The following CDK13 variants were observed in gnomAD, a reference collection of about 807,000 sequenced individuals.
CDK13 encodes the protein cyclin dependent kinase 13.
Under a neutral mutation model 137.6 loss-of-function variants are expected in CDK13, and 40 were observed. The ratio of observed to expected loss-of-function variants is 0.29; its 90% CI spans 0.23 to 0.38. CDK13 has a LOEUF of 0.38. Ranked by LOEUF, CDK13 falls within the 10% of genes least tolerant of loss-of-function variation. The probability of loss-of-function intolerance (pLI) is 1.00; values close to 1 mark genes in which losing one functional copy is unlikely to be tolerated. For missense variants in CDK13, 1,704 were observed against 1,951.8 expected (o/e 0.87, Z 2.39); for synonymous variants, 869 against 760.1 (o/e 1.14, Z -2.36).
intron 7 of CDK13, among the ~76,000 whole-genome samples, chr7:40,051,397 A>G (rs1475461520): frequency 6.6e-6 from 1 of 152,124 alleles, no homozygotes; most frequent in African/African-American, 2.4e-5. Flanking sequence ...AAAGAAATCT[A>G]CCTTTAACAG....
Position 40,032,313 on chromosome 7 carries a change from C to T in CDK13, c.2354-13523C>T, listed in dbSNP as rs73392723. 6.3e-3 allele frequency among the ~76,000 whole-genome samples: 952 copies of T among 152,266 alleles called. 13 individuals carry two copies. Among genetic ancestry groups the T allele is most frequent in the African/African-American group, 0.021 (879 of 41,554 alleles). ...TTCGAACTCCTGGGTTCAAGCAATCCGTATGCCTTGTTCTCCCAAAGTGCT... is the reference window on the plus strand; with the variant it reads ...TTCGAACTCCTGGGTTCAAGCAATCTGTATGCCTTGTTCTCCCAAAGTGCT... On this transcript the variant is annotated intron_variant, in intron 5 of 13. Transcript: ENST00000181839.
intron 1 of CDK13, among the ~76,000 whole-genome samples, chr7:39,955,139 G>T (rs993188794): frequency 6.6e-6 from 1 of 152,066 alleles, no homozygotes; most frequent in African/African-American, 2.4e-5. Context: ...TAATCTTGCT[G>T]ACTGGCCCTA....
chr7:40,012,557 TC>T (rs1380606570), intron 5 of CDK13, among the ~76,000 whole-genome samples: 1 of 151,842 alleles, frequency 6.6e-6, no homozygotes, highest in Non-Finnish European at 1.5e-5. Flanking sequence ...CTATGATCAC[TC>T]CATTGCACTT....
At chr7:39,976,323 T>TCTCTCTCA in intron 1 of CDK13, among the ~76,000 whole-genome samples, 591 of 39,560 alleles carry the variant, frequency 0.015, 16 homozygotes, top group African/African-American at 0.038. Context: ...TCTCTCTCTC[T>TCTCTCTCA]CACACACACA....
chr7:39,997,220 T>TTG (rs1784583460), intron 2 of CDK13, among the ~76,000 whole-genome samples: 1 of 152,128 alleles, frequency 6.6e-6, no homozygotes, highest in African/African-American at 2.4e-5. Context: ...CGTTAACAAT[T>TTG]AATCAATATT....
intron 5 of CDK13, among the ~76,000 whole-genome samples, chr7:40,016,446 C>T (rs541204027): frequency 2.0e-5 from 3 of 152,202 alleles, no homozygotes; most frequent in African/African-American, 7.2e-5. Flanking sequence ...GTTACTATGC[C>T]ATGTGATAGG....
intron 5 of CDK13, among the ~76,000 whole-genome samples, chr7:40,036,276 A>G (rs1366492514): frequency 1.3e-5 from 2 of 152,202 alleles, no homozygotes; most frequent in Non-Finnish European, 2.9e-5. Flanking sequence ...CAATTTAATA[A>G]TTTCAAAGCC....
At chr7:39,976,600 T>TC (rs1308751930) in intron 1 of CDK13, among the ~76,000 whole-genome samples, 2 of 151,992 alleles carry the variant, frequency 1.3e-5, no homozygotes, top group Non-Finnish European at 2.9e-5. Context: ...ATTCTAATAC[T>TC]CCCAGCGGTT....
rs968654880 is a variant in CDK13 at position 39,951,499 on chromosome 7, C to T, written c.858C>T (p.Ser286=). The change falls in exon 1 of 14, where the codon TCC becomes TCT. Residue 286 remains serine, a synonymous_variant. Coordinates refer to ENST00000181839, the MANE Select transcript of CDK13 (RefSeq NM_003718.5). ...CCCACCGCAGCCGGACTAAGTCGTCCAAGGAGCCGCCTTCGGCCTACAAGG... is the reference window on the plus strand; with the variant it reads ...CCCACCGCAGCCGGACTAAGTCGTCTAAGGAGCCGCCTTCGGCCTACAAGG... ...SKAHRSRTKS[S]KEPPSAYKEP... 2.3e-5 allele frequency: 36 copies of T among 1,536,716 alleles called. No individual in the cohort carries two copies. Among genetic ancestry groups the T allele is most frequent in the Non-Finnish European group, 3.1e-5 (35 of 1,143,038 alleles).
At chr7:40,048,812 A>C (rs1468318780) in intron 7 of CDK13, 1 of 151,482 alleles carries the variant, frequency 6.6e-6, no homozygotes, top group Non-Finnish European at 1.5e-5. Context: ...CTGTGACATA[A>C]TTCTGGAAAG....
chr7:40,028,190 T>G (rs1037078481), intron 5 of CDK13, among the ~76,000 whole-genome samples: 1 of 151,430 alleles, frequency 6.6e-6, no homozygotes, highest in Non-Finnish European at 1.5e-5. Flanking sequence ...TCCTTTGTGA[T>G]TCCCAGGATC....
chr7:40,049,407 GT>G (rs552235821), intron 7 of CDK13, among the ~76,000 whole-genome samples: 14,910 of 139,592 alleles, frequency 0.11, 2,147 homozygotes, highest in African/African-American at 0.34. Flanking sequence ...TTGTATGAGT[GT>G]TTTTTTTTTT....
rs1018582470 is a variant in CDK13 at position 40,097,456 on chromosome 7, G to C, written c.*2476G>C. The C allele has an allele frequency of 6.6e-6, 1 of 152,022 alleles. No individual in the cohort carries two copies. The highest frequency in any genetic ancestry group is 1.5e-5 in the Non-Finnish European group (1 of 67,948). The allele number at this position is 152,022 out of a possible 1,614,324, so 9.4% of individuals were successfully genotyped here. ...AAAAATTTTAATGCTTCCCTTCATA[G>C]CATTTAATATTTTAATTCAGTGAAT... On this transcript the variant is annotated 3_prime_UTR_variant, in exon 14 of 14. Coordinates refer to ENST00000181839, the MANE Select transcript of CDK13 (RefSeq NM_003718.5).
intron 5 of CDK13, among the ~76,000 whole-genome samples, chr7:40,007,672 C>G (rs970810886): frequency 6.6e-6 from 1 of 152,186 alleles, no homozygotes. Flanking sequence ...AAGTGATCCA[C>G]CCACCTCGGC....
Position 40,013,123 on chromosome 7 carries a change from T to C in CDK13, c.2353+11092T>C, listed in dbSNP as rs148716757. On this transcript the variant is annotated intron_variant, in intron 5 of 13. Transcript: ENST00000181839. ...TTTACACATGCTTACAACATAGATA[T>C]ATCTTCAGGACATGCCAAGTGAAAT... Among the ~76,000 whole-genome samples, 330 of 152,298 alleles carry C rather than the reference T, an allele frequency of 2.2e-3. 1 individual carries two copies. Among genetic ancestry groups the C allele is most frequent in the South Asian group, 6.4e-3 (31 of 4,822 alleles).
intron 5 of CDK13, among the ~76,000 whole-genome samples, chr7:40,005,723 G>C (rs1438356604): frequency 6.6e-6 from 1 of 152,116 alleles, no homozygotes; most frequent in Non-Finnish European, 1.5e-5. Context: ...GATTTTTCTT[G>C]TTTTTTGTTT....
chr7:39,957,000 G>A (rs763314094), intron 1 of CDK13, among the ~76,000 whole-genome samples: 6 of 151,918 alleles, frequency 3.9e-5, no homozygotes, highest in Non-Finnish European at 7.4e-5. Flanking sequence ...TTGCTGTTCT[G>A]TTAGCTTAAA....
chr7:40,010,888 T>C (rs1784880118), intron 5 of CDK13, among the ~76,000 whole-genome samples: 1 of 151,790 alleles, frequency 6.6e-6, no homozygotes, highest in African/African-American at 2.4e-5. Context: ...CAAAGTAGAA[T>C]TAAGAAAACA....
intron 1 of CDK13, 99 bp from the exon 2 acceptor site, chr7:39,987,499 AT>A: frequency 9.9e-7 from 1 of 1,009,742 alleles, no homozygotes; most frequent in Non-Finnish European, 1.4e-6. Flanking sequence ...AATTAAGTAA[AT>A]TTCTATTTTA....
Sources: gnomAD v4.1 joint callset for allele counts (sites outside exome capture counted in the v4.1 genomes callset) on GRCh38, gnomAD v4.1.1 for gene constraint, MANE v1.5 for transcripts, NCBI Gene and HGNC (gene_info 2026-07-23, HGNC 2026-07-21) for gene names.